The following DLG2 variants were observed in gnomAD, a reference collection of about 807,000 sequenced individuals.
The protein encoded by DLG2 is disks large homolog 2.
In DLG2, 45 loss-of-function variants were observed where a neutral mutation model predicts 132.5. The ratio of observed to expected loss-of-function variants is 0.34; its 90% confidence interval spans 0.27 to 0.44. The LOEUF (loss-of-function observed/expected upper bound fraction) is 0.44, where lower values mean the gene tolerates loss of function less well. DLG2 is among the 20% of genes least tolerant of loss of function. The pLI is 1.00. For missense variants in DLG2, 1,045 were observed against 1,196.9 expected (o/e 0.87, Z 1.87); for synonymous variants, 424 against 419.6 (o/e 1.01, Z -0.13).
chr11:84,231,261 G>A (rs2097089717), intron 8 of DLG2, among the ~76,000 whole-genome samples: 1 of 152,186 alleles, frequency 6.6e-6, no homozygotes, highest in Non-Finnish European at 1.5e-5. Flanking sequence ...GATGTTAGAA[G>A]AGTTAAATAG....
At chr11:84,948,324 T>G (rs1034863844) in intron 6 of DLG2, among the ~76,000 whole-genome samples, 1 of 152,368 alleles carries the variant, frequency 6.6e-6, no homozygotes, top group South Asian at 2.1e-4. Context: ...TAGCTTCTTT[T>G]TTTTTGAAAG....
chr11:84,371,097 T>C (rs1338862188), intron 7 of DLG2, among the ~76,000 whole-genome samples: 1 of 152,138 alleles, frequency 6.6e-6, no homozygotes, highest in East Asian at 1.9e-4. Flanking sequence ...ATGTGAATAA[T>C]GTTTCTACTG....
intron 7 of DLG2, among the ~76,000 whole-genome samples, chr11:84,435,710 T>C (rs1451071957): frequency 6.6e-6 from 1 of 152,306 alleles, no homozygotes; most frequent in East Asian, 1.9e-4. Flanking sequence ...ATGGGACAGA[T>C]TGAAAGCCCC....
intron 15 of DLG2, among the ~76,000 whole-genome samples, chr11:83,910,670 T>C (rs1371594739): frequency 6.6e-6 from 1 of 152,132 alleles, no homozygotes; most frequent in East Asian, 1.9e-4. Context: ...CAAGAATATG[T>C]ACAATTATTA....
At chr11:85,044,235 C>T (rs1304028383) in intron 6 of DLG2, among the ~76,000 whole-genome samples, 1 of 151,960 alleles carries the variant, frequency 6.6e-6, no homozygotes, top group Non-Finnish European at 1.5e-5. Flanking sequence ...TACTATAAGC[C>T]TGTGCTTATT....
chr11:84,719,600 G>A (rs559245337), intron 6 of DLG2, among the ~76,000 whole-genome samples: 2 of 152,266 alleles, frequency 1.3e-5, no homozygotes, highest in African/African-American at 2.4e-5. Flanking sequence ...CAGAAAAGGA[G>A]CAATGAATGA....
chr11:84,064,039 C>A (rs907958243), intron 10 of DLG2, among the ~76,000 whole-genome samples: 7 of 152,056 alleles, frequency 4.6e-5, no homozygotes, highest in African/African-American at 1.7e-4. Context: ...ATACAGCACA[C>A]CAACATAGCA....
At chr11:84,051,518 G>T (rs1429730447) in intron 11 of DLG2, among the ~76,000 whole-genome samples, 1 of 150,370 alleles carries the variant, frequency 6.7e-6, no homozygotes, top group South Asian at 2.1e-4. Flanking sequence ...GCAAACTATC[G>T]CAAGGACAAA....
intron 7 of DLG2, among the ~76,000 whole-genome samples, chr11:84,370,379 A>G (rs1296318152): frequency 6.6e-6 from 1 of 152,184 alleles, no homozygotes; most frequent in Non-Finnish European, 1.5e-5. Flanking sequence ...GGAATCTCCT[A>G]GTTTTCCCCA....
intron 4 of DLG2, among the ~76,000 whole-genome samples, chr11:85,169,067 T>C (rs2078660138): frequency 6.6e-6 from 1 of 152,174 alleles, no homozygotes; most frequent in African/African-American, 2.4e-5. Context: ...AAGTAGTATT[T>C]GCATATAACC....
chr11:85,563,320 G>A (rs565680417), intron 3 of DLG2, among the ~76,000 whole-genome samples: 2 of 151,482 alleles, frequency 1.3e-5, no homozygotes, highest in Non-Finnish European at 3.0e-5. Flanking sequence ...TCAAGATATA[G>A]AGCATTTCCA....
At chr11:84,280,076 T>C (rs2097837311) in intron 7 of DLG2, among the ~76,000 whole-genome samples, 1 of 152,032 alleles carries the variant, frequency 6.6e-6, no homozygotes, top group African/African-American at 2.4e-5. Context: ...AACAAAGAAA[T>C]AAAGATGCTT....
intron 6 of DLG2, among the ~76,000 whole-genome samples, chr11:84,716,433 A>T (rs1180389907): frequency 6.6e-6 from 1 of 152,084 alleles, no homozygotes; most frequent in African/African-American, 2.4e-5. Context: ...AGGGAGACAC[A>T]CACACATGGA....
intron 6 of DLG2, among the ~76,000 whole-genome samples, chr11:84,957,436 C>CTT (rs924363339): frequency 6.6e-6 from 1 of 152,172 alleles, no homozygotes; most frequent in African/African-American, 2.4e-5. Flanking sequence ...CAAAAGAACA[C>CTT]TTTAATGGTT....
chr11:83,735,734 A>G lies in DLG2; in HGVS notation c.1825+50956T>C, dbSNP rs2091809543. Among the ~76,000 whole-genome samples, 3 of 152,194 alleles carry G rather than the reference A, an allele frequency of 2.0e-5. No homozygotes were observed. The South Asian group carries it at 6.2e-4, about 31-fold the overall frequency. ...TTCTTTCTAACCAGCGGTTCTGTTT[A>G]CCACTGGAAATTGAGAGTGATTGGA... On this transcript the variant is annotated intron_variant, in intron 18 of 27. Coordinates refer to ENST00000376104, the MANE Select transcript of DLG2 (RefSeq NM_001142699.3).
intron 6 of DLG2, among the ~76,000 whole-genome samples, chr11:84,627,869 G>A (rs773271034): frequency 6.6e-6 from 1 of 152,044 alleles, no homozygotes; most frequent in Non-Finnish European, 1.5e-5. Context: ...CAGATCTCAT[G>A]AGAACTCACT....
At chr11:84,662,603 A>G (rs1178792070) in intron 6 of DLG2, among the ~76,000 whole-genome samples, 1 of 151,846 alleles carries the variant, frequency 6.6e-6, no homozygotes, top group Non-Finnish European at 1.5e-5. Flanking sequence ...TCCAGCCAAC[A>G]TGGTGAAACT....
intron 15 of DLG2, among the ~76,000 whole-genome samples, chr11:83,908,496 G>A (rs762086237): frequency 7.9e-5 from 12 of 151,808 alleles, no homozygotes; most frequent in African/African-American, 2.2e-4. Flanking sequence ...GCATATGCAC[G>A]CATGTACATA....
intron 6 of DLG2, among the ~76,000 whole-genome samples, chr11:84,876,838 C>A (rs1340828364): frequency 6.6e-6 from 1 of 152,166 alleles, no homozygotes; most frequent in Non-Finnish European, 1.5e-5. Context: ...CAATTTCCCT[C>A]TAAACACTGC....
Sources: gnomAD v4.1 joint callset for allele counts (sites outside exome capture counted in the v4.1 genomes callset) on GRCh38, gnomAD v4.1.1 for gene constraint, MANE v1.5 for transcripts, NCBI Gene and HGNC (gene_info 2026-07-23, HGNC 2026-07-21) for gene names.